KDM2B: variants seen among roughly 807,000 people sequenced by gnomAD.
KDM2B encodes the protein lysine-specific demethylase 2B.
KDM2B carries 26 observed loss-of-function variants against 150.0 expected under a neutral mutation model. The ratio of observed to expected loss-of-function variants is 0.17; its 90% CI spans 0.13 to 0.24. The LOEUF is 0.24. KDM2B is among the 10% of genes least tolerant of loss of function. The pLI is 1.00. For missense variants in KDM2B, 1,265 were observed against 1,816.9 expected (o/e 0.70, Z 5.52); for synonymous variants, 734 against 729.5 (o/e 1.01, Z -0.10).
chr12:121,522,540 A>G lies in KDM2B; in HGVS notation c.932-1440T>C, dbSNP rs368890034. Among the ~76,000 whole-genome samples, 4 of 144,156 alleles carry G rather than the reference A, an allele frequency of 2.8e-5. No homozygotes were observed. The South Asian group carries it at 6.5e-4, about 24-fold the overall frequency. The allele number at this position is 144,156 out of a possible 152,430, so 94.6% of individuals were successfully genotyped here. On this transcript the variant is annotated intron_variant, in intron 8 of 22. Coordinates refer to ENST00000377071, the MANE Select transcript of KDM2B (RefSeq NM_032590.5). ...AAAAAAAAAAAAAAAAGTATATACTATATTCAACCTCAATTTACAGATGAG... is the reference window on the plus strand; with the variant it reads ...AAAAAAAAAAAAAAAAGTATATACTGTATTCAACCTCAATTTACAGATGAG...
intron 4 of KDM2B, among the ~76,000 whole-genome samples, chr12:121,564,783 A>T (rs1890578754): frequency 6.6e-6 from 1 of 152,108 alleles, no homozygotes; most frequent in African/African-American, 2.4e-5. Context: ...ATTCATATGG[A>T]AACACAAAGG....
At chr12:121,421,395 A>AAAC in the KDM2B span, among the ~76,000 whole-genome samples, 1 of 149,946 alleles carries the variant, frequency 6.7e-6, no homozygotes, top group Non-Finnish European at 1.5e-5. Flanking sequence ...AAAAAAAAAA[A>AAAC]AAACCAAAAA....
chr12:121,420,468 T>C, the KDM2B span: 1 of 1,566,092 alleles, frequency 6.4e-7, no homozygotes, highest in Non-Finnish European at 8.7e-7. Flanking sequence ...CTGAAACACT[T>C]CTAGGACTGC....
At chr12:121,479,177 C>T (rs1001794759) in intron 12 of KDM2B, among the ~76,000 whole-genome samples, 4 of 151,240 alleles carry the variant, frequency 2.6e-5, no homozygotes, top group Non-Finnish European at 4.4e-5. Context: ...TGGCCGGGCG[C>T]GGTGGCTCAG....
chr12:121,460,765 T>G (rs1340580347), intron 12 of KDM2B, among the ~76,000 whole-genome samples: 4 of 152,076 alleles, frequency 2.6e-5, no homozygotes, highest in Non-Finnish European at 5.9e-5. Context: ...CAACAATCTT[T>G]TTTGTTTTTC....
chr12:121,416,163 G>C, the KDM2B span: 1 of 1,613,720 alleles, frequency 6.2e-7, no homozygotes, highest in Non-Finnish European at 8.5e-7. Context: ...TTTTAGGCGG[G>C]TGCCACGTCT....
At chr12:121,565,317 CT>C (rs879950091) in intron 4 of KDM2B, among the ~76,000 whole-genome samples, 3,770 of 142,398 alleles carry the variant, frequency 0.026, 126 homozygotes, top group African/African-American at 0.081. Context: ...GGGGAAAGGA[CT>C]TTTTTTTTTT....
intron 8 of KDM2B, 57 bp downstream of exon 8, chr12:121,532,749 C>A: frequency 6.3e-7 from 1 of 1,589,138 alleles, no homozygotes; most frequent in South Asian, 1.1e-5. Flanking sequence ...GGGCCTAAAA[C>A]CCTGGCTCAG....
chr12:121,503,788 G>A (rs1413767316), intron 11 of KDM2B, among the ~76,000 whole-genome samples: 1 of 152,224 alleles, frequency 6.6e-6, no homozygotes, highest in Non-Finnish European at 1.5e-5. Context: ...CAGTGACACA[G>A]GTCCCTGCTG....
Position 121,534,574 on chromosome 12 carries a change from C to T in KDM2B, c.700G>A (p.Val234Met), listed in dbSNP as rs782601402. 7 of 1,613,800 alleles carry T rather than the reference C, an allele frequency of 4.3e-6. No individual in the cohort carries two copies. The highest frequency in any genetic ancestry group is 3.3e-5 in the Admixed American group (2 of 60,018). Residue 234 changes from valine (V) to methionine (M), a missense_variant, in exon 7 of 23, where the codon GTG (valine) becomes ATG (methionine). Physicochemically the swap from Val to Met is conservative, Grantham distance 21. Coordinates refer to ENST00000377071, the MANE Select transcript of KDM2B (RefSeq NM_032590.5). ...PKVKKYCLMSVKGCFTDFHID... is the reference protein window; with the variant it reads ...PKVKKYCLMSMKGCFTDFHID... The stretch of plus-strand genomic sequence containing the variant: ...TGGAAGTCGGTGAAACAACCTTTCA[C>T]GCTCATCAGACAGTACCTGCAACAC...
chr12:121,558,513 G>A (rs1353225048), intron 4 of KDM2B, among the ~76,000 whole-genome samples: 1 of 151,178 alleles, frequency 6.6e-6, no homozygotes, highest in Non-Finnish European at 1.5e-5. Context: ...GAGTACAGTG[G>A]TGCGATCTCG....
the KDM2B span, chr12:121,417,906 G>T: frequency 1.2e-6 from 2 of 1,613,586 alleles, no homozygotes; most frequent in Non-Finnish European, 1.7e-6. This position sits in a 1 kb window ranked among gnomAD's most constrained non-coding sequence, Gnocchi z 5.0. Context: ...TGGAGTGCCG[G>T]CACAGGTACG....
the KDM2B span, chr12:121,420,853 A>G: frequency 6.5e-5 from 69 of 1,056,216 alleles, no homozygotes; most frequent in African/African-American, 3.5e-4. Context: ...TTTTGTCACA[A>G]TTAAGTCAAA....
In KDM2B at chr12:121,467,134, T is replaced by G; in HGVS notation, c.1735-13790A>C. The G allele has an allele frequency of 8.9e-7, 1 of 1,118,272 alleles. No individual in the cohort carries two copies. The highest frequency in any genetic ancestry group is 1.1e-6 in the Non-Finnish European group (1 of 897,286). 69.3% of individuals were successfully genotyped at this position (1,118,272 alleles called of 1,614,324 possible). A position where few individuals can be genotyped will look rare whatever the true frequency, so the allele number is the denominator to read the frequency against. On this transcript the variant is annotated intron_variant, in intron 12 of 22. Coordinates refer to ENST00000377071, the MANE Select transcript of KDM2B (RefSeq NM_032590.5). This position sits in a 1 kb window ranked among gnomAD's most constrained non-coding sequence, Gnocchi z 5.1. ...GGAGGTCGTGCGGCGGGTCCCTCCCTCAGCCCCACCCCGGGCCGCCGACCT... is the reference window on the plus strand; with the variant it reads ...GGAGGTCGTGCGGCGGGTCCCTCCCGCAGCCCCACCCCGGGCCGCCGACCT...
intron 12 of KDM2B, among the ~76,000 whole-genome samples, chr12:121,479,466 C>A (rs868966154): frequency 5.3e-4 from 74 of 139,646 alleles, no homozygotes; most frequent in East Asian, 6.5e-4. Flanking sequence ...GACCCTGTCT[C>A]AAAAAAAAAA....
At chr12:121,431,821 G>C (rs1555285569) in intron 22 of KDM2B, among the ~76,000 whole-genome samples, 3 of 152,012 alleles carry the variant, frequency 2.0e-5, no homozygotes, top group African/African-American at 7.2e-5. Flanking sequence ...ACTGAAGATG[G>C]GAAAACGAGA....
intron 12 of KDM2B, among the ~76,000 whole-genome samples, chr12:121,462,683 G>A (rs1171651295): frequency 1.3e-5 from 2 of 151,980 alleles, no homozygotes; most frequent in Non-Finnish European, 2.9e-5. Context: ...TAGTAGAGAC[G>A]GGGTTTCACC....
chr12:121,493,846 T>A (rs186689011), intron 12 of KDM2B: 2 of 149,964 alleles, frequency 1.3e-5, no homozygotes, highest in African/African-American at 2.5e-5. Flanking sequence ...TGATTAGACA[T>A]TTTTTTTTTA....
At chr12:121,567,874 G>T (rs1555315263) in intron 4 of KDM2B, among the ~76,000 whole-genome samples, 1 of 151,770 alleles carries the variant, frequency 6.6e-6, no homozygotes, top group African/African-American at 2.4e-5. Flanking sequence ...GATTACAGCT[G>T]TGCACCACCA....
Sources: allele counts gnomAD v4.1 joint callset (sites outside exome capture counted in the v4.1 genomes callset), GRCh38; gene constraint gnomAD v4.1.1; non-coding constraint Gnocchi (gnomAD v3.1); transcripts MANE v1.5; gene names NCBI Gene and HGNC (gene_info 2026-07-23, HGNC 2026-07-21).